TLK1: variants seen among roughly 807,000 people sequenced by gnomAD.
The protein encoded by TLK1 is tousled like kinase 1, also known as serine/threonine-protein kinase tousled-like 1.
A neutral mutation model predicts 105.3 loss-of-function variants in TLK1; 24 were observed. That is an observed-to-expected ratio of 0.23 (90% CI 0.17 to 0.32). TLK1 has a LOEUF of 0.32. TLK1 is among the 10% of genes least tolerant of loss of function. TLK1 has a pLI of 1.00. For synonymous variants in TLK1, 321 were observed against 310.4 expected (o/e 1.03, Z -0.36); for missense variants, 558 against 910.5 (o/e 0.61, Z 4.98).
intron 2 of TLK1, among the ~76,000 whole-genome samples, chr2:171,085,710 C>A (rs918062080): frequency 3.3e-5 from 5 of 152,168 alleles, no homozygotes; most frequent in Admixed American, 6.5e-5. Context: ...CTCCCATGAG[C>A]CCTTCCTAAA....
In TLK1 at chr2:171,211,611, G is replaced by A. The variant is rs185802769; in HGVS notation, c.-6+19534C>T. Among the ~76,000 whole-genome samples, 585 of 152,008 alleles carry A rather than the reference G, an allele frequency of 3.8e-3. 3 individuals are homozygous for A. The highest frequency in any genetic ancestry group is 6.0e-3 in the Non-Finnish European group (411 of 67,970). The stretch of plus-strand genomic sequence containing the variant: ...GTCGCCCAGGCTGGAGTGCAATGGC[G>A]CGATGTTGGTTCACTGCAGCATCCG... On this transcript the variant is annotated intron_variant, in intron 1 of 20. Transcript: ENST00000521943.
chr2:171,198,313 C>T (rs907487135), intron 1 of TLK1, among the ~76,000 whole-genome samples: 1 of 152,102 alleles, frequency 6.6e-6, no homozygotes, highest in Non-Finnish European at 1.5e-5. Flanking sequence ...ATAAATGTGT[C>T]AGCGCAATTA....
intron 14 of TLK1, among the ~76,000 whole-genome samples, chr2:171,008,370 G>GT (rs1279737729): frequency 2.0e-5 from 3 of 152,056 alleles, no homozygotes; most frequent in Admixed American, 2.0e-4. Context: ...AGGGTTAAGT[G>GT]TAAAGAAACT....
At chr2:171,169,341 C>T (rs1273632317) in intron 1 of TLK1, among the ~76,000 whole-genome samples, 4 of 151,780 alleles carry the variant, frequency 2.6e-5, no homozygotes. Flanking sequence ...TTTATAATAA[C>T]CAAAAGCAAT....
intron 1 of TLK1, among the ~76,000 whole-genome samples, chr2:171,136,533 G>C: frequency 6.6e-6 from 1 of 152,194 alleles, no homozygotes; most frequent in East Asian, 1.9e-4. Flanking sequence ...CTGGGTGACA[G>C]AGTGAGACGC....
chr2:171,101,710 A>G (rs2105506047), intron 2 of TLK1, among the ~76,000 whole-genome samples: 1 of 152,350 alleles, frequency 6.6e-6, no homozygotes, highest in East Asian at 1.9e-4. Context: ...TCAACAAAGT[A>G]CAGTATATAA....
chr2:171,036,658 C>T (rs1167340109), intron 11 of TLK1, among the ~76,000 whole-genome samples: 2 of 152,158 alleles, frequency 1.3e-5, no homozygotes, highest in Middle Eastern at 6.3e-3. Context: ...CTCCATCGTA[C>T]TGTGGGAGGA....
At chr2:171,110,700 T>G (rs1011225351) in intron 2 of TLK1, among the ~76,000 whole-genome samples, 2 of 152,184 alleles carry the variant, frequency 1.3e-5, no homozygotes, top group African/African-American at 4.8e-5. Flanking sequence ...GATCAGTGGT[T>G]GCCAGAGGCA....
chr2:171,099,301 AAAC>A (rs1308717409), intron 2 of TLK1, among the ~76,000 whole-genome samples: 1 of 152,208 alleles, frequency 6.6e-6, no homozygotes, highest in Admixed American at 6.5e-5. Context: ...AAACTTAACA[AAAC>A]AAATGCAAGA....
At chr2:171,122,657 T>G (rs1690700247) in intron 1 of TLK1, among the ~76,000 whole-genome samples, 2 of 151,610 alleles carry the variant, frequency 1.3e-5, no homozygotes. Context: ...TTTTTTTTTT[T>G]GGAGACACTC....
At chr2:171,149,099 CTTTTTTTTTTTTTTT>C (rs11335300) in intron 1 of TLK1, among the ~76,000 whole-genome samples, 1 of 57,894 alleles carries the variant, frequency 1.7e-5, no homozygotes, top group African/African-American at 7.3e-5. Flanking sequence ...AATTACTTTT[CTTTTTTTTTTTTTTT>C]TTTTTTTTTA....
chr2:171,131,694 C>T (rs1377706687), intron 1 of TLK1, among the ~76,000 whole-genome samples: 1 of 152,028 alleles, frequency 6.6e-6, no homozygotes, highest in African/African-American at 2.4e-5. Context: ...CCTTTTTACC[C>T]GTAATCATGA....
At position 171,042,157 on chromosome 2, in the gene TLK1, C is replaced by A. The variant is rs111658752; in HGVS notation, c.1169+4017G>T. Among the ~76,000 whole-genome samples, 556 of 152,314 alleles carry A rather than the reference C, an allele frequency of 3.7e-3. 6 individuals are homozygous for A. Among genetic ancestry groups the A allele is most frequent in the African/African-American group, 0.012 (509 of 41,570 alleles). On this transcript the variant is annotated intron_variant, in intron 11 of 20. Coordinates refer to ENST00000431350, the MANE Select transcript of TLK1 (RefSeq NM_012290.5). ...ATTAGACTATAATTAAAGCTGTTAG[C>A]ATCTTGGAAGACAACTAGTAAACAA...
chr2:171,094,092 A>C (rs1490139403), intron 2 of TLK1, among the ~76,000 whole-genome samples: 3 of 152,206 alleles, frequency 2.0e-5, no homozygotes, highest in Non-Finnish European at 2.9e-5. Context: ...CAACTAGAGG[A>C]GAAATTACGG....
chr2:171,172,428 A>G (rs1692747317), intron 1 of TLK1, among the ~76,000 whole-genome samples: 1 of 152,220 alleles, frequency 6.6e-6, no homozygotes. Flanking sequence ...AATACAATAA[A>G]AATATAGACA....
At chr2:171,195,755 A>T (rs1417861991) in intron 1 of TLK1, among the ~76,000 whole-genome samples, 1 of 152,118 alleles carries the variant, frequency 6.6e-6, no homozygotes, top group East Asian at 1.9e-4. Flanking sequence ...CAATGAGCTA[A>T]AAGGCATTGT....
intron 1 of TLK1, among the ~76,000 whole-genome samples, chr2:171,130,376 T>C (rs1691052156): frequency 7.1e-6 from 1 of 141,412 alleles, no homozygotes; most frequent in Admixed American, 7.0e-5. Context: ...CACTCTAGCC[T>C]GGGCAACAGA....
Position 171,006,959 on chromosome 2 carries a change from TA to T in TLK1, c.1508+12del. 1 of 1,606,138 alleles carries T rather than the reference TA, an allele frequency of 6.2e-7. No homozygotes were observed. Among genetic ancestry groups the T allele is most frequent in the Non-Finnish European group, 8.5e-7 (1 of 1,176,902 alleles). On this transcript the variant is annotated intron_variant, in intron 15 of 20. Transcript: ENST00000431350. ...TATTCAATTTTAAAAAACCATAAAGTATTAGTATTTACTTGTGGTAGTTTTC... is the reference window on the plus strand; with the variant it reads ...TATTCAATTTTAAAAAACCATAAAGTTTAGTATTTACTTGTGGTAGTTTTC...
At chr2:171,227,798 C>T (rs927772047) in intron 1 of TLK1, among the ~76,000 whole-genome samples, 6 of 151,910 alleles carry the variant, frequency 3.9e-5, no homozygotes, top group African/African-American at 9.7e-5. Context: ...AGTCTGAAAG[C>T]GCTTACAAAT....
Sources: allele counts gnomAD v4.1 joint callset (sites outside exome capture counted in the v4.1 genomes callset), GRCh38; gene constraint gnomAD v4.1.1; transcripts MANE v1.5; gene names NCBI Gene and HGNC (gene_info 2026-07-23, HGNC 2026-07-21).